PAFAH2: variants seen among roughly 807,000 people sequenced by gnomAD.
PAFAH2 encodes the protein platelet-activating factor acetylhydrolase 2, cytoplasmic.
Under a neutral mutation model 49.0 loss-of-function variants are expected in PAFAH2, and 42 were observed. The observed-to-expected ratio is 0.86, with a 90% CI of 0.67 to 1.11. The LOEUF (loss-of-function observed/expected upper bound fraction) is 1.11, where lower values mean the gene tolerates loss of function less well. Ranked by LOEUF, PAFAH2 falls within the 50% of genes least tolerant of loss-of-function variation. PAFAH2 has a pLI of 0.00. For missense variants in PAFAH2, 503 were observed against 501.8 expected (o/e 1.00, Z -0.02); for synonymous variants, 184 against 181.3 (o/e 1.01, Z -0.12).
At chr1:25,990,097 A>G (rs1344465535) in intron 2 of PAFAH2, among the ~76,000 whole-genome samples, 1 of 152,122 alleles carries the variant, frequency 6.6e-6, no homozygotes, top group Admixed American at 6.5e-5. Flanking sequence ...TCCAAGGGCT[A>G]GCAGAGAAAG....
At position 25,967,579 on chromosome 1, in the gene PAFAH2, A is replaced by G. The variant is rs554411919; in HGVS notation, c.1084+4979T>C. ...TTTATCAGAAGCTGCAGAGAGTTCC[A>G]GAAGTTGGGGAATGAGAACTACTGG... is the stretch of plus-strand genomic sequence containing the variant. On this transcript the variant is annotated intron_variant, in intron 10 of 10. Transcript: ENST00000374282. Among the ~76,000 whole-genome samples the G allele has an allele frequency of 6.6e-5, 10 of 152,318 alleles. No homozygotes were observed. The South Asian group carries it at 2.1e-3, about 32-fold the overall frequency.
intron 7 of PAFAH2, among the ~76,000 whole-genome samples, chr1:25,977,949 C>G (rs984107451): frequency 6.6e-6 from 1 of 152,096 alleles, no homozygotes; most frequent in Admixed American, 6.6e-5. Flanking sequence ...AAGAGTGAGT[C>G]TGTGCACTCT....
chr1:25,993,021 TAC>T (rs915675208), intron 1 of PAFAH2, among the ~76,000 whole-genome samples: 3 of 152,118 alleles, frequency 2.0e-5, no homozygotes, highest in Non-Finnish European at 4.4e-5. Flanking sequence ...AGGATGAAGA[TAC>T]CCATGGTGGA....
intron 4 of PAFAH2, among the ~76,000 whole-genome samples, chr1:25,986,152 T>C (rs1004905880): frequency 2.0e-5 from 3 of 152,228 alleles, no homozygotes; most frequent in African/African-American, 4.8e-5. Flanking sequence ...CTGAGAAGTA[T>C]AGATTGTCTT....
intron 10 of PAFAH2, among the ~76,000 whole-genome samples, chr1:25,962,942 A>G (rs2049361040): frequency 6.6e-6 from 1 of 152,170 alleles, no homozygotes; most frequent in Admixed American, 6.5e-5. Flanking sequence ...CACTTCAGTG[A>G]AGGGCAGGAG....
At chr1:25,995,797 T>C (rs922352985) in intron 1 of PAFAH2, among the ~76,000 whole-genome samples, 6 of 152,228 alleles carry the variant, frequency 3.9e-5, no homozygotes, top group African/African-American at 1.4e-4. Flanking sequence ...GATTGGGTTT[T>C]ATATTTTTTT....
intron 7 of PAFAH2, among the ~76,000 whole-genome samples, 159 bp downstream of exon 7, chr1:25,982,205 G>A (rs1469122597): frequency 6.6e-6 from 1 of 152,066 alleles, no homozygotes; most frequent in African/African-American, 2.4e-5. Context: ...GAGACCCTGG[G>A]TCTAACTACA....
rs572693814 is a variant in PAFAH2 at position 25,976,255 on chromosome 1, C to T, written c.758+427G>A. 1.1e-3 allele frequency among the ~76,000 whole-genome samples: 170 copies of T among 152,266 alleles called. 2 individuals carry two copies. The highest frequency in any genetic ancestry group is 2.5e-3 in the South Asian group (12 of 4,826). On this transcript the variant is annotated intron_variant, in intron 8 of 10. Coordinates refer to ENST00000374282, the MANE Select transcript of PAFAH2 (RefSeq NM_000437.4). ...CTGGGCTCAAGTGATCCTCCTGCCT[C>T]AGGCTTCAAAGTAGCCGGGACTACA...
At chr1:25,970,248 C>T (rs1002311750) in intron 10 of PAFAH2, among the ~76,000 whole-genome samples, 72 of 152,260 alleles carry the variant, frequency 4.7e-4, no homozygotes, top group African/African-American at 1.6e-3. Context: ...AGGTGGATCA[C>T]TGGAGGTTAG....
rs570370466 is a variant in PAFAH2 at position 25,976,699 on chromosome 1, G to A, written c.741C>T (p.Ala247=). 9 of 1,614,062 alleles carry A rather than the reference G, an allele frequency of 5.6e-6. No individual in the cohort carries two copies. The Admixed American group carries it at 1.2e-4, about 21-fold the overall frequency. The change falls in exon 8 of 11, where the codon GCC becomes GCT. Residue 247 remains alanine (A), a synonymous_variant. Transcript: ENST00000374282. ...FGGATAILAL[A]KETQFRCAVA... ...AAACTCACCGAAATTGGGTCTCCTT[G>A]GCCAAAGCCAGAATAGCTGTGGCCC... is the stretch of plus-strand genomic sequence containing the variant.
intron 7 of PAFAH2, among the ~76,000 whole-genome samples, chr1:25,979,464 G>T (rs2049648462): frequency 6.6e-6 from 1 of 151,944 alleles, no homozygotes; most frequent in African/African-American, 2.4e-5. Flanking sequence ...TGGAACTATA[G>T]GCACATGTCA....
rs116740528 is a variant in PAFAH2, at chr1:25,970,976, G to A, written c.1084+1582C>T. On this transcript the variant is annotated intron_variant, in intron 10 of 10. Transcript: ENST00000374282. ...ATAGCAACATGGGGAATTGAACCGGGACAGGTGGAGGTACCACGAACATTT... is the reference window on the plus strand; with the variant it reads ...ATAGCAACATGGGGAATTGAACCGGAACAGGTGGAGGTACCACGAACATTT... 9.7e-3 allele frequency among the ~76,000 whole-genome samples: 1,471 copies of A among 152,294 alleles called. 17 individuals are homozygous for A. The highest frequency in any genetic ancestry group is 0.017 in the Non-Finnish European group (1,126 of 68,026).
At chr1:25,982,099 C>T (rs1247525544) in intron 7 of PAFAH2, among the ~76,000 whole-genome samples, 1 of 151,560 alleles carries the variant, frequency 6.6e-6, no homozygotes, top group East Asian at 1.9e-4. Flanking sequence ...CCTTTCTTGC[C>T]TAAAGGAGAG....
intron 2 of PAFAH2, 46 bp from the exon 3 acceptor site, chr1:25,989,647 T>C: frequency 7.1e-7 from 1 of 1,402,608 alleles, no homozygotes; most frequent in Non-Finnish European, 9.4e-7. Flanking sequence ...GAGCCCAGGC[T>C]AGATTTCCCA....
chr1:25,988,806 C>CAAA (rs59169423), intron 3 of PAFAH2, among the ~76,000 whole-genome samples: 2 of 54,342 alleles, frequency 3.7e-5, no homozygotes, highest in African/African-American at 7.5e-5. Flanking sequence ...TCCATCTCAC[C>CAAA]AAAAAAAAAA....
intron 1 of PAFAH2, among the ~76,000 whole-genome samples, chr1:25,996,282 T>G (rs987081496): frequency 6.6e-6 from 1 of 152,084 alleles, no homozygotes; most frequent in African/African-American, 2.4e-5. Context: ...GGAGGATTGC[T>G]GGGGCTTGGG....
intron 10 of PAFAH2, among the ~76,000 whole-genome samples, chr1:25,968,635 C>G (rs961792290): frequency 1.3e-5 from 2 of 152,172 alleles, no homozygotes; most frequent in Non-Finnish European, 2.9e-5. Context: ...GAGCCACTTA[C>G]AGCCTATTTT....
chr1:25,992,538 G>C (rs1447482878), intron 1 of PAFAH2, among the ~76,000 whole-genome samples: 9 of 152,124 alleles, frequency 5.9e-5, no homozygotes, highest in African/African-American at 2.2e-4. Context: ...TCTGTGCCAG[G>C]AACTATGTTT....
chr1:25,983,871 A>G (rs1347367005), intron 6 of PAFAH2, 75 bp downstream of exon 6: 19 of 1,515,054 alleles, frequency 1.3e-5, no homozygotes, highest in Non-Finnish European at 1.7e-5. Flanking sequence ...AGGGTTAACT[A>G]AAAGTCTTGC....
Sources: gnomAD v4.1 joint callset for allele counts (sites outside exome capture counted in the v4.1 genomes callset) on GRCh38, gnomAD v4.1.1 for gene constraint, MANE v1.5 for transcripts, NCBI Gene and HGNC (gene_info 2026-07-23, HGNC 2026-07-21) for gene names.